Variants in SLC7A13 observed in about 807,000 individuals in gnomAD.
The protein encoded by SLC7A13 is solute carrier family 7 member 13.
In SLC7A13, 31 loss-of-function variants were observed where a neutral mutation model predicts 32.0. That is an observed-to-expected ratio of 0.97 (90% CI 0.73 to 1.31). SLC7A13 has a LOEUF of 1.31. Among genes scored for constraint, SLC7A13 ranks in the 50% most tolerant of loss-of-function variants. SLC7A13 has a pLI of 0.00. For synonymous variants in SLC7A13, 232 were observed against 206.9 expected, an observed-to-expected ratio of 1.12 and a Z score of -1.04; for missense variants, 633 against 546.9, an observed-to-expected ratio of 1.16 and a Z score of -1.57.
At chr8:86,216,336 C>T (rs1433364094) in intron 3 of SLC7A13, among the ~76,000 whole-genome samples, 1 of 152,180 alleles carries the variant, frequency 6.6e-6, no homozygotes, top group Non-Finnish European at 1.5e-5. Context: ...TCCCTATGTG[C>T]TCTCTGAGCA....
chr8:86,220,849 C>A (rs1178789227), intron 2 of SLC7A13, among the ~76,000 whole-genome samples: 1 of 151,892 alleles, frequency 6.6e-6, no homozygotes, highest in Admixed American at 6.6e-5. Flanking sequence ...CAAAAATTAG[C>A]CAGGTGTGGT....
intron 2 of SLC7A13, among the ~76,000 whole-genome samples, chr8:86,220,049 T>G (rs142834344): frequency 3.0e-4 from 45 of 152,208 alleles, no homozygotes; most frequent in African/African-American, 9.1e-4. Context: ...ATTAATTTAT[T>G]TATTTATTGT....
chr8:86,224,992 G>A (rs1052993539), intron 1 of SLC7A13, among the ~76,000 whole-genome samples: 2 of 151,432 alleles, frequency 1.3e-5, no homozygotes, highest in Non-Finnish European at 2.9e-5. Context: ...GCCTCCCAAA[G>A]TGCAGATTAA....
chr8:86,223,420 ATTTC>A (rs1177195568), intron 1 of SLC7A13, among the ~76,000 whole-genome samples: 14 of 152,008 alleles, frequency 9.2e-5, no homozygotes, highest in African/African-American at 3.4e-4. Context: ...AAGGTATAAT[ATTTC>A]TTTCTATTTT....
intron 2 of SLC7A13, among the ~76,000 whole-genome samples, chr8:86,222,169 C>T (rs551113810): frequency 5.9e-5 from 9 of 152,124 alleles, no homozygotes; most frequent in African/African-American, 2.2e-4. Flanking sequence ...CTTAGGTTTG[C>T]GTCCATGCCT....
chr8:86,225,470 G>T (rs760394747), intron 1 of SLC7A13, among the ~76,000 whole-genome samples: 3 of 152,002 alleles, frequency 2.0e-5, no homozygotes, highest in Non-Finnish European at 4.4e-5. Flanking sequence ...AAACAAAAGG[G>T]CAATTTTTTG....
In SLC7A13 at chr8:86,214,418, C is replaced by A; in HGVS notation, c.1408G>T (p.Glu470Ter). ...AGAGTTTGCACTTCCGACATCTATT[C>A]CTCAGACACATCAGGGAGGCAAATA... ...FNICLPDVSE[E>*] The change falls in exon 4 of 4, where the codon GAA (glutamate) becomes TAA (stop). Residue 470 changes from glutamate to a stop codon, truncating the protein, a stop_gained. Coordinates refer to ENST00000297524, the MANE Select transcript of SLC7A13 (RefSeq NM_138817.3). LOFTEE classifies it high-confidence loss of function. The A allele has an allele frequency of 6.3e-7, 1 of 1,596,566 alleles. No individual in the cohort carries two copies. Among genetic ancestry groups the A allele is most frequent in the South Asian group, 1.1e-5 (1 of 90,052 alleles).
Position 86,214,378 on chromosome 8 carries a change from A to T in SLC7A13, c.*35T>A. The T allele has an allele frequency of 7.4e-7, 1 of 1,347,164 alleles. No individual in the cohort carries two copies. The highest frequency in any genetic ancestry group is 1.0e-6 in the Non-Finnish European group (1 of 970,346). The allele number at this position is 1,347,164 out of a possible 1,614,324, so 83.5% of individuals were successfully genotyped here. A position where few individuals can be genotyped will look rare whatever the true frequency, so the allele number is the denominator to read the frequency against. ...TTGGAATCTGATATATGTTTTTTAG[A>T]AGGCCAATTTTTTAAGAGTTTGCAC... On this transcript the variant is annotated 3_prime_UTR_variant, in exon 4 of 4. Coordinates refer to ENST00000297524, the MANE Select transcript of SLC7A13 (RefSeq NM_138817.3).
chr8:86,229,641 G>A lies in SLC7A13; in HGVS notation c.637C>T (p.Gln213Ter). The change falls in exon 1 of 4, where the codon CAA becomes TAA. Residue 213 changes from glutamine (Q) to a stop codon, truncating the protein, a stop_gained. Coordinates refer to ENST00000297524, the MANE Select transcript of SLC7A13 (RefSeq NM_138817.3). LOFTEE classifies it high-confidence loss of function. Reference protein sequence around the residue: ...DISHLIQAIFQGYFAYSGGAC... With the variant: ...DISHLIQAIF ...CCGCCTGAATATGCAAAATATCCTTGGAAGATGGCTTGTATAAGGTGAGAG... is the reference window on the plus strand; with the variant it reads ...CCGCCTGAATATGCAAAATATCCTTAGAAGATGGCTTGTATAAGGTGAGAG... The A allele has an allele frequency of 1.2e-6, 2 of 1,614,018 alleles. No homozygotes were observed. Among genetic ancestry groups the A allele is most frequent in the Non-Finnish European group, 1.7e-6 (2 of 1,180,022 alleles).
chr8:86,230,253 G>A lies in SLC7A13; in HGVS notation c.25C>T (p.Leu9Phe). 6.2e-7 allele frequency: 1 copy of A among 1,605,494 alleles called. No homozygotes were observed. The change falls in exon 1 of 4, where the codon CTC becomes TTC. Residue 9 changes from leucine (L) to phenylalanine (F), a missense_variant. Transcript: ENST00000297524. MDRGEKIQLKRVFGYWWGT... is the reference protein window; with the variant it reads MDRGEKIQFKRVFGYWWGT... The stretch of plus-strand genomic sequence containing the variant: ...CACCAATATCCAAACACTCTCTTGA[G>A]CTGTATTTTCTCCCCTCTATCCATT...
intron 1 of SLC7A13, among the ~76,000 whole-genome samples, chr8:86,228,272 C>T (rs1009322448): frequency 6.6e-6 from 1 of 152,110 alleles, no homozygotes; most frequent in East Asian, 1.9e-4. Flanking sequence ...TTTCGGGTGT[C>T]CAGGGAGTAC....
Position 86,214,611 on chromosome 8 carries a change from G to A in SLC7A13, c.1215C>T (p.Ile405=), listed in dbSNP as rs372524258. 1.8e-4 allele frequency: 284 copies of A among 1,612,958 alleles called. No homozygotes were observed. The highest frequency in any genetic ancestry group is 1.7e-3 in the South Asian group (155 of 90,938). The change falls in exon 4 of 4, where the codon ATC becomes ATT. Residue 405 remains isoleucine, a synonymous_variant. Transcript: ENST00000297524. ...FLSFPLATIV[I]DVGLVVIPLV... ...ATGGTATCACAACCAAGCCCACGTC[G>A]ATGACTATTGTTGCTAATGGAAATG...
intron 3 of SLC7A13, chr8:86,215,430 A>G: frequency 5.3e-6 from 1 of 186,976 alleles, no homozygotes; most frequent in South Asian, 8.6e-5. Context: ...GCTTACGCCT[A>G]TAATCCCAAC....
At chr8:86,221,903 C>T (rs1820303516) in intron 2 of SLC7A13, among the ~76,000 whole-genome samples, 1 of 152,126 alleles carries the variant, frequency 6.6e-6, no homozygotes, top group South Asian at 2.1e-4. Context: ...CCAGCAGCCC[C>T]AACCACACCC....
intron 1 of SLC7A13, among the ~76,000 whole-genome samples, chr8:86,227,097 G>A (rs1306696783): frequency 6.6e-6 from 1 of 152,130 alleles, no homozygotes. Context: ...TCTAGGTATT[G>A]CCTCTTCTAC....
At chr8:86,218,576 T>C (rs1460389409) in intron 2 of SLC7A13, among the ~76,000 whole-genome samples, 1 of 151,962 alleles carries the variant, frequency 6.6e-6, no homozygotes, top group Non-Finnish European at 1.5e-5. Context: ...ACAGGACAAT[T>C]CTCTACAACA....
At chr8:86,222,745 C>T (rs1177446503) in intron 2 of SLC7A13, among the ~76,000 whole-genome samples, 2 of 152,186 alleles carry the variant, frequency 1.3e-5, no homozygotes, top group African/African-American at 4.8e-5. Context: ...CATACATCAA[C>T]ATTATATACA....
At position 86,214,552 on chromosome 8, in the gene SLC7A13, A is replaced by T; in HGVS notation, c.1274T>A (p.Val425Glu). Residue 425 changes from valine to glutamate, a missense_variant, in exon 4 of 4, where the codon GTG (valine) becomes GAG (glutamate). Physicochemically the swap from Val to Glu is moderately radical, Grantham distance 121. Coordinates refer to ENST00000297524, the MANE Select transcript of SLC7A13 (RefSeq NM_138817.3). ...VKSPNVHYVY[V>E]LLLVLSGLLF... ...TAATCCGCTGAGAACTAACAGAAGC[A>T]CGTAGACATAATGCACATTTGGAGA... is the stretch of plus-strand genomic sequence containing the variant. 1 of 1,613,736 alleles carries T rather than the reference A, an allele frequency of 6.2e-7. No individual in the cohort carries two copies.
chr8:86,227,318 T>C (rs1423700306), intron 1 of SLC7A13, among the ~76,000 whole-genome samples: 2 of 152,096 alleles, frequency 1.3e-5, no homozygotes, highest in African/African-American at 4.8e-5. Flanking sequence ...AAAGAACTGA[T>C]TTTTTAGAAA....
Sources: gnomAD v4.1 joint callset for allele counts (sites outside exome capture counted in the v4.1 genomes callset) on GRCh38, gnomAD v4.1.1 for gene constraint, MANE v1.5 for transcripts, NCBI Gene and HGNC (gene_info 2026-07-23, HGNC 2026-07-21) for gene names.